Variants in DAP observed in about 807,000 individuals in gnomAD.
DAP encodes the protein death-associated protein 1.
In DAP, 8 loss-of-function variants were observed where a neutral mutation model predicts 13.8. That is an observed-to-expected ratio of 0.58 (90% CI 0.34 to 1.05). The LOEUF is 1.05. Among genes scored for constraint, DAP ranks in the 50% least tolerant of loss-of-function variants. DAP has a pLI of 0.03. For synonymous variants in DAP, 47 were observed against 47.5 expected (o/e 0.99, Z 0.04); for missense variants, 106 against 133.2 (o/e 0.80, Z 1.01).
intron 2 of DAP, among the ~76,000 whole-genome samples, chr5:10,719,015 T>C (rs907245016): frequency 6.6e-6 from 1 of 152,200 alleles, no homozygotes; most frequent in African/African-American, 2.4e-5. Flanking sequence ...GTGAAAACAT[T>C]TGCACGCCAG....
intron 1 of DAP, among the ~76,000 whole-genome samples, chr5:10,752,957 G>A (rs954573078): frequency 6.6e-6 from 1 of 152,166 alleles, no homozygotes; most frequent in Non-Finnish European, 1.5e-5. Flanking sequence ...AATCGTTGGT[G>A]CTTTTCCAGC....
intron 2 of DAP, among the ~76,000 whole-genome samples, chr5:10,742,127 T>C (rs1361547383): frequency 6.8e-6 from 1 of 147,056 alleles, no homozygotes; most frequent in Non-Finnish European, 1.5e-5. Flanking sequence ...TTCTTATACA[T>C]TAAGTAACTG....
intron 1 of DAP, among the ~76,000 whole-genome samples, chr5:10,749,277 C>G (rs1051558695): frequency 6.6e-6 from 1 of 152,180 alleles, no homozygotes; most frequent in African/African-American, 2.4e-5. Context: ...AGAACTTACA[C>G]GTAAGTTTTT....
At chr5:10,754,624 T>C (rs573031921) in intron 1 of DAP, among the ~76,000 whole-genome samples, 1 of 152,314 alleles carries the variant, frequency 6.6e-6, no homozygotes, top group East Asian at 1.9e-4. Flanking sequence ...GATGGGCACC[T>C]TGCCGGACAT....
chr5:10,759,406 T>C (rs933976555), intron 1 of DAP, among the ~76,000 whole-genome samples: 2 of 152,106 alleles, frequency 1.3e-5, no homozygotes, highest in South Asian at 2.1e-4. Context: ...TGTGGTGGAA[T>C]GGAAGTCAGT....
intron 2 of DAP, among the ~76,000 whole-genome samples, chr5:10,692,634 C>T (rs1425823739): frequency 6.6e-6 from 1 of 152,232 alleles, no homozygotes; most frequent in Non-Finnish European, 1.5e-5. Context: ...CAGCTATTCT[C>T]CCAACTGCAT....
intron 2 of DAP, among the ~76,000 whole-genome samples, chr5:10,723,315 A>G (rs1160708432): frequency 6.6e-6 from 1 of 152,260 alleles, no homozygotes; most frequent in African/African-American, 2.4e-5. Context: ...CGCCCTATAT[A>G]TAGTCTATCC....
intron 2 of DAP, among the ~76,000 whole-genome samples, chr5:10,688,073 G>A (rs1448506185): frequency 1.3e-5 from 2 of 151,908 alleles, no homozygotes; most frequent in Non-Finnish European, 1.5e-5. Context: ...ACACCACCAT[G>A]CCTGGCTAAT....
intron 2 of DAP, among the ~76,000 whole-genome samples, chr5:10,710,090 C>A (rs1241365983): frequency 6.6e-6 from 1 of 152,230 alleles, no homozygotes; most frequent in Non-Finnish European, 1.5e-5. Context: ...TCCGTCACCT[C>A]CACCTTCAGA....
At chr5:10,701,579 T>C (rs1379913908) in intron 2 of DAP, among the ~76,000 whole-genome samples, 1 of 56,714 alleles carries the variant, frequency 1.8e-5, no homozygotes, top group East Asian at 5.4e-4. Flanking sequence ...AATAAATAAA[T>C]AAATAAAAAG....
Position 10,683,570 on chromosome 5 carries a change from G to T in DAP, c.154C>A (p.Pro52Thr), listed in dbSNP as rs751003718. ...GAGATGAACACAGTGGGTTTAGGTG[G>T]ACTGGAAAAAAAGAAGGGAAAAGGC... ...KDDQEWESPS[P>T]PKPTVFISGV... The change falls in exon 3 of 4, where the codon CCA becomes ACA. Residue 52 changes from proline to threonine, a missense_variant and splice_region_variant. By Grantham distance (38) the Pro-to-Thr change is conservative (BLOSUM62 -1). Transcript: ENST00000230895. 1.9e-6 allele frequency: 3 copies of T among 1,613,932 alleles called. No individual in the cohort carries two copies. In the East Asian group the frequency reaches 6.7e-5, roughly 36 times the overall value.
At chr5:10,745,851 T>C (rs1487832276) in intron 2 of DAP, among the ~76,000 whole-genome samples, 1 of 152,178 alleles carries the variant, frequency 6.6e-6, no homozygotes, top group African/African-American at 2.4e-5. Flanking sequence ...CAGATGGTTA[T>C]GAAGAAGGGC....
At chr5:10,730,906 AG>A (rs1739441604) in intron 2 of DAP, among the ~76,000 whole-genome samples, 3 of 21,898 alleles carry the variant, frequency 1.4e-4, no homozygotes, top group East Asian at 1.3e-3. Context: ...AGCCCTAGTG[AG>A]GGGGAATCTT....
At chr5:10,695,727 C>T (rs1738423311) in intron 2 of DAP, among the ~76,000 whole-genome samples, 1 of 152,178 alleles carries the variant, frequency 6.6e-6, no homozygotes, top group Non-Finnish European at 1.5e-5. Flanking sequence ...TCAACCTGTT[C>T]TTCTGGGTCT....
chr5:10,745,833 T>C (rs1405418914), intron 2 of DAP, among the ~76,000 whole-genome samples: 1 of 152,174 alleles, frequency 6.6e-6, no homozygotes, highest in South Asian at 2.1e-4. Context: ...CTTTCTTCCT[T>C]GGGGAAACAG....
At chr5:10,728,632 C>T (rs932488819) in intron 2 of DAP, among the ~76,000 whole-genome samples, 13 of 152,186 alleles carry the variant, frequency 8.5e-5, no homozygotes, top group African/African-American at 3.1e-4. Context: ...TCCAAGTAAA[C>T]AGATACAATC....
intron 2 of DAP, among the ~76,000 whole-genome samples, chr5:10,702,332 G>C (rs1378619042): frequency 6.6e-6 from 1 of 152,184 alleles, no homozygotes; most frequent in East Asian, 1.9e-4. Flanking sequence ...CATTTCTTAG[G>C]AATGAGTAAC....
intron 2 of DAP, among the ~76,000 whole-genome samples, chr5:10,710,812 G>C (rs573441978): frequency 2.0e-5 from 3 of 152,332 alleles, no homozygotes; most frequent in Admixed American, 2.0e-4. Context: ...GGTATGAAAG[G>C]GAGGGGCAAA....
chr5:10,735,101 G>A (rs888966328), intron 2 of DAP, among the ~76,000 whole-genome samples: 6 of 152,240 alleles, frequency 3.9e-5, no homozygotes, highest in African/African-American at 1.2e-4. Context: ...TATCCCAAGT[G>A]CCTCAAACTG....
Sources: gnomAD v4.1 joint callset for allele counts (sites outside exome capture counted in the v4.1 genomes callset) on GRCh38, gnomAD v4.1.1 for gene constraint, MANE v1.5 for transcripts, NCBI Gene and HGNC (gene_info 2026-07-23, HGNC 2026-07-21) for gene names.